The following DOK6 variants were observed in gnomAD, a reference collection of about 807,000 sequenced individuals.
DOK6 encodes docking protein 6, also known as downstream of tyrosine kinase 6.
In DOK6, 22 loss-of-function variants were observed where a neutral mutation model predicts 44.0. The ratio of observed to expected loss-of-function variants is 0.50; its 90% CI spans 0.36 to 0.71. The LOEUF (loss-of-function observed/expected upper bound fraction) is 0.71. Among genes scored for constraint, DOK6 ranks in the 30% least tolerant of loss-of-function variants. The pLI is 0.00. For missense variants in DOK6, 340 were observed against 416.4 expected, an observed-to-expected ratio of 0.82 and a Z score of 1.60; for synonymous variants, 166 against 145.5, an observed-to-expected ratio of 1.14 and a Z score of -1.01.
intron 4 of DOK6, among the ~76,000 whole-genome samples, chr18:69,683,518 G>A (rs943973256): frequency 1.3e-5 from 2 of 152,224 alleles, no homozygotes; most frequent in Non-Finnish European, 2.9e-5. Flanking sequence ...GATAGATATG[G>A]ACAAGTGAAG....
At chr18:69,487,177 A>ATGTGTGTGTGTGTG (rs5825940) in intron 1 of DOK6, among the ~76,000 whole-genome samples, 1 of 140,372 alleles carries the variant, frequency 7.1e-6, no homozygotes, top group African/African-American at 2.8e-5. Context: ...CTGATAGGAT[A>ATGTGTGTGTGTGTG]TGTGTGTGTG....
intron 5 of DOK6, among the ~76,000 whole-genome samples, chr18:69,713,565 C>T (rs557501306): frequency 1.3e-5 from 2 of 152,304 alleles, no homozygotes; most frequent in South Asian, 2.1e-4. Context: ...GGTGACCTTG[C>T]ACCCTGTTCA....
chr18:69,568,933 C>T (rs1458198870), intron 2 of DOK6, among the ~76,000 whole-genome samples: 1 of 151,714 alleles, frequency 6.6e-6, no homozygotes, highest in Non-Finnish European at 1.5e-5. Flanking sequence ...CCCACTGATT[C>T]TACATTATGG....
At chr18:69,585,623 T>C (rs1983480939) in intron 2 of DOK6, among the ~76,000 whole-genome samples, 1 of 152,064 alleles carries the variant, frequency 6.6e-6, no homozygotes, top group East Asian at 1.9e-4. Context: ...ATAATGTGTC[T>C]TTTTTTTCAC....
chr18:69,768,954 C>CGTGTGTGTGTATGTGT, intron 7 of DOK6, among the ~76,000 whole-genome samples: 1 of 142,696 alleles, frequency 7.0e-6, no homozygotes. Flanking sequence ...GAAGGGTGTG[C>CGTGTGTGTGTATGTGT]GTGTGTGTGT....
chr18:69,437,476 A>G (rs1027508581), intron 1 of DOK6, among the ~76,000 whole-genome samples: 2 of 152,096 alleles, frequency 1.3e-5, no homozygotes, highest in African/African-American at 2.4e-5. Flanking sequence ...GTAAATGTGT[A>G]GCATTATTTG....
intron 7 of DOK6, among the ~76,000 whole-genome samples, chr18:69,761,717 G>A (rs529635648): frequency 8.5e-5 from 13 of 152,154 alleles, no homozygotes; most frequent in Non-Finnish European, 1.9e-4. Context: ...GATGGGAAGT[G>A]CAGAGGTCCT....
chr18:69,458,452 A>G (rs1184705820), intron 1 of DOK6, among the ~76,000 whole-genome samples: 4 of 152,198 alleles, frequency 2.6e-5, no homozygotes, highest in Non-Finnish European at 5.9e-5. Flanking sequence ...CTGACTGGGT[A>G]AAAGCTAGAA....
At position 69,754,351 on chromosome 18, in the gene DOK6, CAAAA is replaced by C. The variant is rs34141961; in HGVS notation, c.739-3391_739-3388del. ...GGGCAACAGAGTGAGACCCTATCTC[CAAAA>C]AAAAAAAAAAAAAGAAGTTATCAAG... On this transcript the variant is annotated intron_variant, in intron 6 of 7. Coordinates refer to ENST00000382713, the MANE Select transcript of DOK6 (RefSeq NM_152721.6). Among the ~76,000 whole-genome samples the C allele has an allele frequency of 1.4e-3, 175 of 121,448 alleles. 1 individual carries two copies. Among genetic ancestry groups the C allele is most frequent in the African/African-American group, 5.5e-3 (171 of 31,090 alleles). The allele number at this position is 121,448 out of a possible 152,430, so 79.7% of individuals were successfully genotyped here. A position where few individuals can be genotyped will look rare whatever the true frequency, so the allele number is the denominator to read the frequency against.
chr18:69,442,539 T>C (rs1272214479), intron 1 of DOK6, among the ~76,000 whole-genome samples: 1 of 152,146 alleles, frequency 6.6e-6, no homozygotes, highest in Non-Finnish European at 1.5e-5. Flanking sequence ...GCCCCCATGA[T>C]CTAATCACCT....
rs1186608515 is a variant in DOK6, at chr18:69,845,121, C to T, written c.*3738C>T. The stretch of plus-strand genomic sequence containing the variant: ...TAAAAAAGCATGGGGACCCTACTCC[C>T]TAGATTATTTGAGCCATTTACTAAA... On this transcript the variant is annotated 3_prime_UTR_variant, in exon 8 of 8. Transcript: ENST00000382713. 1 of 152,118 alleles carries T rather than the reference C, an allele frequency of 6.6e-6. No individual in the cohort carries two copies. Among genetic ancestry groups the T allele is most frequent in the African/African-American group, 2.4e-5 (1 of 41,402 alleles). 9.4% of individuals were successfully genotyped at this position (152,118 alleles called of 1,614,324 possible).
chr18:69,791,617 T>C (rs985644261), intron 7 of DOK6, among the ~76,000 whole-genome samples: 2 of 152,194 alleles, frequency 1.3e-5, no homozygotes, highest in East Asian at 1.9e-4. Context: ...TTTTTTTCTA[T>C]AGAGTTCTTT....
At chr18:69,560,277 C>T (rs1982796263) in intron 1 of DOK6, among the ~76,000 whole-genome samples, 2 of 152,144 alleles carry the variant, frequency 1.3e-5, no homozygotes, top group Non-Finnish European at 2.9e-5. Context: ...TACAATATCA[C>T]ATCCTGAATT....
At position 69,568,271 on chromosome 18, in the gene DOK6, T is replaced by C. The variant is rs193010743; in HGVS notation, c.174+3677T>C. 4.3e-3 allele frequency among the ~76,000 whole-genome samples: 656 copies of C among 152,308 alleles called. 6 individuals are homozygous for C. The highest frequency in any genetic ancestry group is 6.0e-3 in the Non-Finnish European group (405 of 68,016). On this transcript the variant is annotated intron_variant, in intron 2 of 7. Transcript: ENST00000382713. ...CCAAGCCAGGTAATGAGCCTTCCCG[T>C]GTTATGGCTACATAGCTGTGTTTAC...
intron 7 of DOK6, among the ~76,000 whole-genome samples, chr18:69,783,090 C>T (rs1980325948): frequency 1.3e-5 from 2 of 152,216 alleles, no homozygotes; most frequent in Admixed American, 6.5e-5. Context: ...ATGAAAGAGA[C>T]TTGCATCTCA....
intron 2 of DOK6, among the ~76,000 whole-genome samples, chr18:69,595,256 A>C (rs756656473): frequency 1.3e-5 from 2 of 152,212 alleles, no homozygotes; most frequent in Non-Finnish European, 2.9e-5. Context: ...TTGTGTGGCT[A>C]ATCTAAGCAC....
intron 3 of DOK6, among the ~76,000 whole-genome samples, chr18:69,648,156 C>T (rs552761059): frequency 1.4e-4 from 21 of 152,266 alleles, no homozygotes; most frequent in Non-Finnish European, 2.4e-4. Flanking sequence ...AATGAAACTA[C>T]GGCCACATTC....
intron 1 of DOK6, among the ~76,000 whole-genome samples, chr18:69,528,814 C>A (rs1229676194): frequency 1.3e-5 from 2 of 151,850 alleles, no homozygotes; most frequent in Non-Finnish European, 2.9e-5. Flanking sequence ...CACTTTAGAG[C>A]AACTGACTGT....
At chr18:69,721,461 A>T (rs955419034) in intron 5 of DOK6, 1 of 152,258 alleles carries the variant, frequency 6.6e-6, no homozygotes, top group African/African-American at 2.4e-5. Flanking sequence ...AAATATGCTT[A>T]TGACAATATA....
Sources: allele counts gnomAD v4.1 joint callset (sites outside exome capture counted in the v4.1 genomes callset), GRCh38; gene constraint gnomAD v4.1.1; transcripts MANE v1.5; gene names NCBI Gene and HGNC (gene_info 2026-07-23, HGNC 2026-07-21).